SRGAP1: variants seen among roughly 807,000 people sequenced by gnomAD.
SRGAP1 encodes the protein SLIT-ROBO Rho GTPase-activating protein 1.
SRGAP1 carries 43 observed loss-of-function variants against 121.9 expected under a neutral mutation model. The ratio of observed to expected loss-of-function variants is 0.35; its 90% CI spans 0.28 to 0.46. The LOEUF is 0.46. SRGAP1 is among the 20% of genes least tolerant of loss of function. The pLI is 1.00. For synonymous variants in SRGAP1, 447 were observed against 485.4 expected (o/e 0.92, Z 1.04); for missense variants, 1,102 against 1,350.9 (o/e 0.82, Z 2.89).
intron 1 of SRGAP1, among the ~76,000 whole-genome samples, chr12:63,957,678 C>A (rs978185368): frequency 6.6e-6 from 1 of 152,098 alleles, no homozygotes; most frequent in African/African-American, 2.4e-5. Context: ...TGAGAGAGAG[C>A]ATATGGGTGT....
At chr12:63,979,959 C>T (rs1315407130) in intron 1 of SRGAP1, among the ~76,000 whole-genome samples, 1 of 152,234 alleles carries the variant, frequency 6.6e-6, no homozygotes, top group East Asian at 1.9e-4. Context: ...CTGTAGTTCC[C>T]ATGATGACAG....
chr12:64,072,907 T>C (rs2035668808), intron 8 of SRGAP1, among the ~76,000 whole-genome samples: 2 of 152,154 alleles, frequency 1.3e-5, no homozygotes, highest in Non-Finnish European at 2.9e-5. Context: ...CCTCATTTGT[T>C]TTGACCCACA....
chr12:63,952,957 C>T (rs756248275), intron 1 of SRGAP1, among the ~76,000 whole-genome samples: 25 of 152,142 alleles, frequency 1.6e-4, no homozygotes, highest in Non-Finnish European at 2.5e-4. Context: ...GGTGCTAACA[C>T]TTTTTAAACA....
In SRGAP1 at chr12:64,111,752, C is replaced by T; in HGVS notation, c.1920-10C>T. On this transcript the variant is annotated splice_polypyrimidine_tract_variant and intron_variant, in intron 16 of 21. Transcript: ENST00000355086. ...TTCTTTTATAACTCCTTTCTTGTTT[C>T]CTTTTGTAGTCTATCACAGTACAGC... 5.8e-6 allele frequency: 9 copies of T among 1,547,808 alleles called. No individual in the cohort carries two copies. The highest frequency in any genetic ancestry group is 4.7e-5 in the East Asian group (2 of 42,930).
intron 4 of SRGAP1, among the ~76,000 whole-genome samples, chr12:64,041,428 A>G (rs1003544683): frequency 2.6e-5 from 4 of 151,872 alleles, no homozygotes; most frequent in Non-Finnish European, 5.9e-5. Context: ...TCTGTCACCC[A>G]GGCTGGAGTG....
intron 21 of SRGAP1, among the ~76,000 whole-genome samples, chr12:64,128,984 G>T (rs937665838): frequency 6.6e-6 from 1 of 152,138 alleles, no homozygotes; most frequent in Non-Finnish European, 1.5e-5. Flanking sequence ...ATGTTCGTAG[G>T]CCTAGTGGGT....
intron 1 of SRGAP1, among the ~76,000 whole-genome samples, chr12:63,894,332 C>T (rs1454861093): frequency 1.3e-5 from 2 of 152,046 alleles, no homozygotes; most frequent in Non-Finnish European, 2.9e-5. Flanking sequence ...TGCTGCTTCT[C>T]AACATATCAC....
intron 15 of SRGAP1, among the ~76,000 whole-genome samples, chr12:64,100,610 A>C (rs1171170192): frequency 6.6e-6 from 1 of 152,168 alleles, no homozygotes; most frequent in African/African-American, 2.4e-5. Context: ...AGTCTGCCCC[A>C]ATCCTATTTT....
intron 1 of SRGAP1, among the ~76,000 whole-genome samples, chr12:63,859,183 C>CTT (rs1899358530): frequency 6.6e-6 from 1 of 151,870 alleles, no homozygotes; most frequent in South Asian, 2.1e-4. Context: ...AGTAGTTTGT[C>CTT]TTTTTTGAGA....
chr12:63,859,532 A>C (rs118142753), intron 1 of SRGAP1, among the ~76,000 whole-genome samples: 1 of 152,002 alleles, frequency 6.6e-6, no homozygotes, highest in Non-Finnish European at 1.5e-5. Flanking sequence ...CTTTACTATC[A>C]TCGTTTTCAT....
chr12:64,044,101 C>T (rs2035078037), intron 6 of SRGAP1, among the ~76,000 whole-genome samples: 1 of 152,142 alleles, frequency 6.6e-6, no homozygotes, highest in South Asian at 2.1e-4. Flanking sequence ...GTAACTAAGT[C>T]TCTGTACATT....
At position 64,127,668 on chromosome 12, in the gene SRGAP1, C is replaced by T. The variant is rs768839277; in HGVS notation, c.2484C>T (p.Ser828=). The change falls in exon 20 of 22, where the codon TCC becomes TCT. Residue 828 remains serine (S), a synonymous_variant. Transcript: ENST00000355086. The part of the protein sequence containing the change: ...ASSGPVTEDK[S]SSKDMNSPTD... ...GTGGGCCAGTCACGGAAGACAAGTC[C>T]TCATCCAAGGACATGAACTCCCCGA... The T allele has an allele frequency of 4.3e-6, 7 of 1,613,986 alleles. No homozygotes were observed. Among genetic ancestry groups the T allele is most frequent in the Non-Finnish European group, 5.9e-6 (7 of 1,180,022 alleles).
chr12:63,973,427 T>A (rs2033012275), intron 1 of SRGAP1, among the ~76,000 whole-genome samples: 1 of 152,198 alleles, frequency 6.6e-6, no homozygotes, highest in African/African-American at 2.4e-5. Context: ...ATTATCATAC[T>A]TTGAACAAAA....
intron 1 of SRGAP1, among the ~76,000 whole-genome samples, chr12:63,896,490 G>A (rs1339926217): frequency 1.3e-5 from 2 of 152,128 alleles, no homozygotes; most frequent in Non-Finnish European, 2.9e-5. Flanking sequence ...GCCTAGGAGA[G>A]GCAGGCAGGT....
chr12:63,932,607 T>C (rs2031519510), intron 1 of SRGAP1, among the ~76,000 whole-genome samples: 1 of 151,814 alleles, frequency 6.6e-6, no homozygotes. Flanking sequence ...TTAAAATTAG[T>C]TATCTTAAAG....
At chr12:63,880,182 C>G (rs148055068) in intron 1 of SRGAP1, among the ~76,000 whole-genome samples, 1 of 152,136 alleles carries the variant, frequency 6.6e-6, no homozygotes, top group Non-Finnish European at 1.5e-5. Context: ...CTTCGCCTAC[C>G]GCCATGATTG....
At chr12:64,080,699 A>G (rs1162737113) in intron 10 of SRGAP1, 2 of 391,916 alleles carry the variant, frequency 5.1e-6, no homozygotes, top group Non-Finnish European at 9.6e-6. Context: ...CTGACCCCCC[A>G]GTCTCTTCTT....
In SRGAP1 at chr12:64,153,496, A is replaced by T. The variant is rs1241577419; in HGVS notation, c.*10824A>T. The T allele has an allele frequency of 1.3e-5, 2 of 151,696 alleles. No individual in the cohort carries two copies. Among genetic ancestry groups the T allele is most frequent in the Non-Finnish European group, 2.9e-5 (2 of 67,980 alleles). The allele number at this position is 151,696 out of a possible 1,614,324, so 9.4% of individuals were successfully genotyped here. A position where few individuals can be genotyped will look rare whatever the true frequency, so the allele number is the denominator to read the frequency against. ...TCAAAAAAAAAAAAAAAAGTAAGGT[A>T]CTTAGATGTCATTCTAAGTTCAAGG... On this transcript the variant is annotated 3_prime_UTR_variant, in exon 22 of 22. Coordinates refer to ENST00000355086, the MANE Select transcript of SRGAP1 (RefSeq NM_020762.4).
At chr12:63,996,935 A>C (rs1265111446) in intron 3 of SRGAP1, among the ~76,000 whole-genome samples, 1 of 152,092 alleles carries the variant, frequency 6.6e-6, no homozygotes, top group Admixed American at 6.6e-5. Context: ...TTTAATTTGT[A>C]TTTATAAATT....
Sources: allele counts gnomAD v4.1 joint callset (sites outside exome capture counted in the v4.1 genomes callset), GRCh38; gene constraint gnomAD v4.1.1; transcripts MANE v1.5; gene names NCBI Gene and HGNC (gene_info 2026-07-23, HGNC 2026-07-21).